SORCS3: variants seen among roughly 807,000 people sequenced by gnomAD.
SORCS3 encodes sortilin related VPS10 domain containing receptor 3, also known as VPS10 domain-containing receptor SorCS3.
Under a neutral mutation model 146.3 loss-of-function variants are expected in SORCS3, and 57 were observed. The ratio of observed to expected loss-of-function variants is 0.39; its 90% confidence interval spans 0.31 to 0.49. The LOEUF (loss-of-function observed/expected upper bound fraction) is 0.49. Among genes scored for constraint, SORCS3 ranks in the 20% least tolerant of loss-of-function variants. SORCS3 has a pLI of 0.92. For synonymous variants in SORCS3, 653 were observed against 618.5 expected (o/e 1.06, Z -0.83); for missense variants, 1,341 against 1,575.5 (o/e 0.85, Z 2.52).
chr10:104,827,062 C>G (rs1186923020), intron 1 of SORCS3, among the ~76,000 whole-genome samples: 1 of 152,152 alleles, frequency 6.6e-6, no homozygotes. Context: ...CTATTTCGAC[C>G]ATATCTGCAG....
intron 1 of SORCS3, among the ~76,000 whole-genome samples, chr10:104,798,179 A>C (rs2017580291): frequency 6.6e-6 from 1 of 152,234 alleles, no homozygotes; most frequent in Non-Finnish European, 1.5e-5. Context: ...ACAGGATATT[A>C]GGAAAGGTGG....
At position 104,757,703 on chromosome 10, in the gene SORCS3, T is replaced by A. The variant is rs142204354; in HGVS notation, c.628-85089T>A. On this transcript the variant is annotated intron_variant, in intron 1 of 26. Transcript: ENST00000369701. ...CGGGGGTGTGAACTTTCTCTTCATT[T>A]TTTTCTCCTTTTCTTTCTTTCGAGT... 2.1e-4 allele frequency among the ~76,000 whole-genome samples: 32 copies of A among 152,262 alleles called. 1 individual carries two copies. Among genetic ancestry groups the A allele is most frequent in the African/African-American group, 7.7e-4 (32 of 41,548 alleles).
chr10:105,260,236 C>T (rs185025233), intron 25 of SORCS3, among the ~76,000 whole-genome samples: 52 of 152,244 alleles, frequency 3.4e-4, no homozygotes, highest in Admixed American at 1.4e-3. Flanking sequence ...GCAGTTGACT[C>T]TGGTTACAAC....
intron 1 of SORCS3, among the ~76,000 whole-genome samples, chr10:104,670,095 G>A (rs1460609590): frequency 6.6e-6 from 1 of 151,806 alleles, no homozygotes; most frequent in Non-Finnish European, 1.5e-5. Flanking sequence ...TTGAGTTTTG[G>A]GAGTTCTCTA....
intron 2 of SORCS3, among the ~76,000 whole-genome samples, chr10:104,852,802 AT>A (rs1319967998): frequency 6.6e-6 from 1 of 152,190 alleles, no homozygotes; most frequent in African/African-American, 2.4e-5. Flanking sequence ...AATAATTGGA[AT>A]GTGCTCTGGC....
chr10:104,819,231 A>G (rs2017843966), intron 1 of SORCS3, among the ~76,000 whole-genome samples: 1 of 152,164 alleles, frequency 6.6e-6, no homozygotes, highest in Non-Finnish European at 1.5e-5. Flanking sequence ...CCCTGTTCCC[A>G]GAGTGTACAT....
intron 1 of SORCS3, among the ~76,000 whole-genome samples, chr10:104,712,453 T>A (rs946120798): frequency 6.6e-6 from 1 of 152,202 alleles, no homozygotes; most frequent in African/African-American, 2.4e-5. Flanking sequence ...ATGAAAACAT[T>A]TGCATGATGC....
At position 104,970,474 on chromosome 10, in the gene SORCS3, C is replaced by T. The variant is rs575804327; in HGVS notation, c.796-6861C>T. ...TACCCATTATATTCGTCCTTTCAAA[C>T]TCTGCGAGCACCACAGATGCTTCCT... On this transcript the variant is annotated intron_variant, in intron 3 of 26. Transcript: ENST00000369701. 2.6e-5 allele frequency among the ~76,000 whole-genome samples: 4 copies of T among 152,292 alleles called. No homozygotes were observed. In the South Asian group the frequency reaches 8.3e-4, roughly 32 times the overall value.
chr10:104,853,204 C>T (rs2018292737), intron 2 of SORCS3, among the ~76,000 whole-genome samples: 1 of 152,180 alleles, frequency 6.6e-6, no homozygotes, highest in African/African-American at 2.4e-5. Context: ...GAAGCTGACG[C>T]AGGAGAGTTG....
intron 4 of SORCS3, among the ~76,000 whole-genome samples, chr10:104,998,293 C>A (rs529753558): frequency 6.6e-6 from 1 of 152,146 alleles, no homozygotes; most frequent in South Asian, 2.1e-4. Flanking sequence ...ATGGCTTAAC[C>A]TCTCTCAACC....
chr10:104,736,346 G>A (rs982799511), intron 1 of SORCS3, among the ~76,000 whole-genome samples: 2 of 152,126 alleles, frequency 1.3e-5, no homozygotes, highest in Non-Finnish European at 2.9e-5. Context: ...TCTTATTTAG[G>A]TGGAAGGCAA....
Position 104,825,131 on chromosome 10 carries a change from A to G in SORCS3, c.628-17661A>G, listed in dbSNP as rs139065786. Among the ~76,000 whole-genome samples, 13 of 152,308 alleles carry G rather than the reference A, an allele frequency of 8.5e-5. No homozygotes were observed. The East Asian group carries it at 2.5e-3, about 29-fold the overall frequency. On this transcript the variant is annotated intron_variant, in intron 1 of 26. Coordinates refer to ENST00000369701, the MANE Select transcript of SORCS3 (RefSeq NM_014978.3). ...GCTTCAAGTTGTCACCACTAAAGTG[A>G]CATGCCCCTTCTTGAGGACATGGCA...
intron 8 of SORCS3, among the ~76,000 whole-genome samples, chr10:105,143,366 A>G (rs781640896): frequency 9.9e-5 from 15 of 151,894 alleles, no homozygotes; most frequent in African/African-American, 3.4e-4. Flanking sequence ...CTTTTTTTCA[A>G]TAGTGGTGAC....
intron 17 of SORCS3, 38 bp downstream of exon 17, chr10:105,211,288 T>A: frequency 2.8e-6 from 4 of 1,414,194 alleles, no homozygotes; most frequent in Non-Finnish European, 4.0e-6. Context: ...CTCCCTGTTT[T>A]CCTGTTTCTC....
chr10:104,877,379 A>T (rs1332366891), intron 2 of SORCS3, among the ~76,000 whole-genome samples: 1 of 152,148 alleles, frequency 6.6e-6, no homozygotes, highest in Non-Finnish European at 1.5e-5. Context: ...TGTTTAAAAA[A>T]TTTATTTACC....
intron 5 of SORCS3, among the ~76,000 whole-genome samples, chr10:105,069,388 C>T (rs138773674): frequency 1.6e-4 from 25 of 152,344 alleles, no homozygotes; most frequent in African/African-American, 6.0e-4. Flanking sequence ...GGACAAACCT[C>T]TTGGCTTCTC....
chr10:104,647,776 T>A (rs975202123), intron 1 of SORCS3, among the ~76,000 whole-genome samples: 1 of 152,212 alleles, frequency 6.6e-6, no homozygotes, highest in African/African-American at 2.4e-5. Flanking sequence ...TGGTGTATTA[T>A]TTCATGTATG....
At chr10:104,642,004 GAA>G in intron 1 of SORCS3, 50 bp downstream of exon 1, 1 of 940,502 alleles carries the variant, frequency 1.1e-6, no homozygotes, top group Non-Finnish European at 1.4e-6. Flanking sequence ...CACCGAAGGG[GAA>G]TGGGGGGGTG....
chr10:105,105,827 C>T (rs2055816734), intron 7 of SORCS3, among the ~76,000 whole-genome samples: 1 of 152,172 alleles, frequency 6.6e-6, no homozygotes, highest in African/African-American at 2.4e-5. Context: ...ATCAAAGCCA[C>T]ATTCTATTTC....
Sources: gnomAD v4.1 joint callset for allele counts (sites outside exome capture counted in the v4.1 genomes callset) on GRCh38, gnomAD v4.1.1 for gene constraint, MANE v1.5 for transcripts, NCBI Gene and HGNC (gene_info 2026-07-23, HGNC 2026-07-21) for gene names.